The following FAM219A variants were observed in gnomAD, a reference collection of about 807,000 sequenced individuals.
FAM219A encodes protein FAM219A.
Under a neutral mutation model 23.4 loss-of-function variants are expected in FAM219A, and 7 were observed. That is an observed-to-expected ratio of 0.30 (90% CI 0.17 to 0.56). The LOEUF is 0.56. FAM219A is among the 20% of genes least tolerant of loss of function. The probability of loss-of-function intolerance (pLI) is 0.92; values close to 1 mark genes in which losing one functional copy is unlikely to be tolerated. For synonymous variants in FAM219A, 93 were observed against 99.0 expected, an observed-to-expected ratio of 0.94 and a Z score of 0.36; for missense variants, 166 against 246.9, an observed-to-expected ratio of 0.67 and a Z score of 2.20.
chr9:34,415,886 G>A (rs1012192218), intron 1 of FAM219A, among the ~76,000 whole-genome samples: 1 of 152,176 alleles, frequency 6.6e-6, no homozygotes, highest in Non-Finnish European at 1.5e-5. Context: ...AAGAGATGGT[G>A]AGAGTGCTCC....
chr9:34,411,785 G>T (rs1259203981), intron 1 of FAM219A, among the ~76,000 whole-genome samples: 1 of 152,112 alleles, frequency 6.6e-6, no homozygotes, highest in Non-Finnish European at 1.5e-5. Context: ...AAAGTAGAGA[G>T]AATGGGACAA....
chr9:34,423,440 A>G (rs928221350), intron 1 of FAM219A, among the ~76,000 whole-genome samples: 1 of 152,232 alleles, frequency 6.6e-6, no homozygotes, highest in Non-Finnish European at 1.5e-5. Context: ...AAAGATGCAC[A>G]TGACTATAGA....
chr9:34,456,107 C>T (rs536556452), intron 1 of FAM219A, among the ~76,000 whole-genome samples: 265 of 152,184 alleles, frequency 1.7e-3, no homozygotes, highest in African/African-American at 6.2e-3. Context: ...GTAGGAGAAT[C>T]GCTTGAATCC....
intron 1 of FAM219A, chr9:34,406,391 C>G: frequency 1.0e-6 from 1 of 985,380 alleles, no homozygotes; most frequent in Non-Finnish European, 1.2e-6. Context: ...CAGGTGCTGT[C>G]TGAGATGGGT....
At chr9:34,405,585 T>C (rs1273699828) in intron 2 of FAM219A, among the ~76,000 whole-genome samples, 1 of 152,200 alleles carries the variant, frequency 6.6e-6, no homozygotes, top group African/African-American at 2.4e-5. Flanking sequence ...CCAAGTCCTC[T>C]CTCTGGGGTT....
In FAM219A at chr9:34,426,590, G is replaced by A. The variant is rs192748496; in HGVS notation, c.61-20626C>T. ...AGGCAATGGCGCCGTTTCACTGGAC[G>A]TAGTAATGTAATTTAGTTTCTGAAA... is the stretch of plus-strand genomic sequence containing the variant. On this transcript the variant is annotated intron_variant, in intron 1 of 5. Transcript: ENST00000651358. Among the ~76,000 whole-genome samples the A allele has an allele frequency of 4.9e-4, 75 of 152,316 alleles. 1 individual carries two copies. In the East Asian group the frequency reaches 0.013, roughly 25 times the overall value.
intron 1 of FAM219A, among the ~76,000 whole-genome samples, chr9:34,410,147 T>A (rs1821772181): frequency 6.6e-6 from 1 of 152,218 alleles, no homozygotes; most frequent in East Asian, 1.9e-4. Context: ...AGACAGGCCC[T>A]CTGGGAGGCT....
In FAM219A at chr9:34,417,291, C is replaced by T. The variant is rs1437245611; in HGVS notation, c.61-11327G>A. Among the ~76,000 whole-genome samples, 1 of 152,198 alleles carries T rather than the reference C, an allele frequency of 6.6e-6. No individual in the cohort carries two copies. The highest frequency in any genetic ancestry group is 1.5e-5 in the Non-Finnish European group (1 of 68,038). On this transcript the variant is annotated intron_variant, in intron 1 of 5. Transcript: ENST00000651358. This position sits in a 1 kb window ranked among gnomAD's most constrained non-coding sequence, Gnocchi z 4.1. The stretch of plus-strand genomic sequence containing the variant: ...CGAACTCCTGGCCTCAAGTGATCCT[C>T]CTGCCTCGGCCTCCCAAAGTGCTGG...
rs1175670056 is a variant in FAM219A, at chr9:34,411,687, AAAAAAAG to A, written c.61-5730_61-5724del. Among the ~76,000 whole-genome samples, 17 of 149,330 alleles carry A rather than the reference AAAAAAAG, an allele frequency of 1.1e-4. 1 individual carries two copies. Among genetic ancestry groups the A allele is most frequent in the East Asian group, 5.9e-4 (3 of 5,118 alleles). On this transcript the variant is annotated intron_variant, in intron 1 of 5. Transcript: ENST00000651358. ...GCGAGACTCCGTCTCAAAAAAAAAA[AAAAAAAG>A]AAAGAAAGAAAGAAAAGAAAACAGT...
chr9:34,455,096 G>A (rs980762032), intron 1 of FAM219A, among the ~76,000 whole-genome samples: 1 of 152,190 alleles, frequency 6.6e-6, no homozygotes, highest in Non-Finnish European at 1.5e-5. Context: ...GGTCACATCT[G>A]TGTCTGTGTT....
intron 3 of FAM219A, 109 bp downstream of exon 3, chr9:34,402,596 C>T: frequency 6.4e-7 from 1 of 1,553,054 alleles, no homozygotes; most frequent in Non-Finnish European, 8.8e-7. Context: ...AGGCTGTCTC[C>T]TCTCAGAGAG....
chr9:34,402,531 G>C lies in FAM219A; in HGVS notation c.264-64C>G. On this transcript the variant is annotated intron_variant, in intron 3 of 5. Coordinates refer to ENST00000651358, the MANE Select transcript of FAM219A (RefSeq NM_001184940.2). ...AGCATAGAAACCTGGCAAGGGACTG[G>C]GTTGGGCCCCGTCCCACCACTTTCT... is the stretch of plus-strand genomic sequence containing the variant. The C allele has an allele frequency of 1.9e-6, 3 of 1,604,998 alleles. No individual in the cohort carries two copies. The South Asian group carries it at 3.3e-5, about 18-fold the overall frequency.
At chr9:34,403,942 C>T (rs1292136488) in intron 2 of FAM219A, among the ~76,000 whole-genome samples, 1 of 152,106 alleles carries the variant, frequency 6.6e-6, no homozygotes, top group Non-Finnish European at 1.5e-5. Context: ...AGCTTCTTTC[C>T]AGCAGGTGGC....
At chr9:34,404,448 C>G (rs1821559884) in intron 2 of FAM219A, among the ~76,000 whole-genome samples, 1 of 152,202 alleles carries the variant, frequency 6.6e-6, no homozygotes, top group South Asian at 2.1e-4. Context: ...TGGCTCATGC[C>G]TGTAATCCCA....
At chr9:34,407,284 T>G (rs1008126944) in intron 1 of FAM219A, among the ~76,000 whole-genome samples, 2 of 152,138 alleles carry the variant, frequency 1.3e-5, no homozygotes, top group Non-Finnish European at 2.9e-5. Context: ...AAGAGTAGAT[T>G]CACCTTTATT....
chr9:34,429,180 T>C (rs1380502736), intron 1 of FAM219A, among the ~76,000 whole-genome samples: 3 of 152,246 alleles, frequency 2.0e-5, no homozygotes, highest in African/African-American at 7.2e-5. Context: ...AGCTGTTCTC[T>C]CAGGGTTTCA....
chr9:34,424,218 G>C (rs896543850), intron 1 of FAM219A, among the ~76,000 whole-genome samples: 5 of 152,086 alleles, frequency 3.3e-5, no homozygotes, highest in Non-Finnish European at 7.4e-5. Context: ...GTTGAGGCCG[G>C]GAGAAAGAAC....
intron 1 of FAM219A, among the ~76,000 whole-genome samples, chr9:34,422,753 A>T (rs1822325880): frequency 6.6e-6 from 1 of 152,236 alleles, no homozygotes; most frequent in Admixed American, 6.5e-5. Flanking sequence ...CCCAGGAGAC[A>T]AAAGAAGAGG....
chr9:34,451,330 G>C (rs1257704208), intron 1 of FAM219A, among the ~76,000 whole-genome samples: 3 of 152,126 alleles, frequency 2.0e-5, no homozygotes. Context: ...CAGAAAGCCA[G>C]ATTCCCATCA....
Sources: allele counts gnomAD v4.1 joint callset (sites outside exome capture counted in the v4.1 genomes callset), GRCh38; gene constraint gnomAD v4.1.1; non-coding constraint Gnocchi (gnomAD v3.1); transcripts MANE v1.5; gene names NCBI Gene and HGNC (gene_info 2026-07-23, HGNC 2026-07-21).